Variants in CCBE1 observed in about 807,000 individuals in gnomAD.
CCBE1 encodes the protein collagen and calcium-binding EGF domain-containing protein 1.
A neutral mutation model predicts 50.0 loss-of-function variants in CCBE1; 37 were observed. The ratio of observed to expected loss-of-function variants is 0.74; its 90% CI spans 0.57 to 0.97. CCBE1 has a LOEUF of 0.97. Among genes scored for constraint, CCBE1 ranks in the 50% least tolerant of loss-of-function variants. The pLI is 0.00. For synonymous variants in CCBE1, 234 were observed against 203.7 expected, an observed-to-expected ratio of 1.15 and a Z score of -1.27; for missense variants, 538 against 523.8, an observed-to-expected ratio of 1.03 and a Z score of -0.26.
At chr18:59,676,405 G>A (rs1413425219) in intron 2 of CCBE1, among the ~76,000 whole-genome samples, 1 of 152,168 alleles carries the variant, frequency 6.6e-6, no homozygotes, top group Non-Finnish European at 1.5e-5. Flanking sequence ...CTCAATGCCA[G>A]CTCTATTTCA....
At chr18:59,584,505 AT>A (rs201912635) in intron 2 of CCBE1, among the ~76,000 whole-genome samples, 7,808 of 151,332 alleles carry the variant, frequency 0.052, 567 homozygotes, top group African/African-American at 0.16. Context: ...TATAATAATA[AT>A]AAAAAAAGAA....
chr18:59,588,338 G>C (rs1326402588), intron 2 of CCBE1, among the ~76,000 whole-genome samples: 1 of 152,106 alleles, frequency 6.6e-6, no homozygotes, highest in Non-Finnish European at 1.5e-5. Flanking sequence ...GAAATGCGAG[G>C]ATTGCTTGAG....
At chr18:59,566,238 T>C (rs955679497) in intron 2 of CCBE1, among the ~76,000 whole-genome samples, 19 of 152,192 alleles carry the variant, frequency 1.2e-4, no homozygotes, top group African/African-American at 4.3e-4. Context: ...ACAATGTCTC[T>C]TCCAGGGCCA....
At chr18:59,542,669 C>T (rs1915515445) in intron 2 of CCBE1, among the ~76,000 whole-genome samples, 1 of 152,190 alleles carries the variant, frequency 6.6e-6, no homozygotes, top group Non-Finnish European at 1.5e-5. Flanking sequence ...ACTAGTACCA[C>T]TGCTAAAATG....
chr18:59,644,675 G>A (rs2054031933), intron 2 of CCBE1, among the ~76,000 whole-genome samples: 1 of 152,176 alleles, frequency 6.6e-6, no homozygotes, highest in Non-Finnish European at 1.5e-5. Context: ...AATGTGTGGG[G>A]AAATGTCTGT....
In CCBE1 at chr18:59,432,149, T is replaced by C. The variant is rs1289366020; in HGVS notation, c.*3759A>G. 1 of 152,084 alleles carries C rather than the reference T, an allele frequency of 6.6e-6. No homozygotes were observed. The highest frequency in any genetic ancestry group is 2.4e-5 in the African/African-American group (1 of 41,416). The allele number at this position is 152,084 out of a possible 1,614,324, so 9.4% of individuals were successfully genotyped here. On this transcript the variant is annotated 3_prime_UTR_variant, in exon 11 of 11. Transcript: ENST00000439986. ...TTTTTTTTATTTATTTTAGTAGAGA[T>C]GGGGTTTCACCACGTGTTGGTCAGG...
intron 2 of CCBE1, among the ~76,000 whole-genome samples, chr18:59,563,177 A>G (rs920606635): frequency 3.9e-5 from 6 of 152,312 alleles, no homozygotes; most frequent in Middle Eastern, 3.4e-3. Context: ...CCAGGCATGG[A>G]CTGAGCGAGA....
At chr18:59,445,431 G>T (rs899517428) in intron 7 of CCBE1, among the ~76,000 whole-genome samples, 1 of 152,094 alleles carries the variant, frequency 6.6e-6, no homozygotes, top group Non-Finnish European at 1.5e-5. Context: ...TACTATACTT[G>T]TCTCATAATT....
At chr18:59,647,330 G>GA (rs1326057208) in intron 2 of CCBE1, among the ~76,000 whole-genome samples, 1 of 151,972 alleles carries the variant, frequency 6.6e-6, no homozygotes, top group African/African-American at 2.4e-5. Context: ...TATGTTATGT[G>GA]AAAAAAATAT....
At chr18:59,655,079 C>T (rs2054171846) in intron 2 of CCBE1, among the ~76,000 whole-genome samples, 1 of 96,512 alleles carries the variant, frequency 1.0e-5, no homozygotes, top group Non-Finnish European at 2.1e-5. Context: ...ACCACTGAGA[C>T]TATGTCAAAA....
At chr18:59,583,750 A>G (rs2053130463) in intron 2 of CCBE1, among the ~76,000 whole-genome samples, 1 of 152,060 alleles carries the variant, frequency 6.6e-6, no homozygotes, top group African/African-American at 2.4e-5. Flanking sequence ...ATCTTTCCAC[A>G]CAGAGAAGGG....
intron 2 of CCBE1, among the ~76,000 whole-genome samples, chr18:59,549,932 G>T (rs1007127783): frequency 6.6e-6 from 1 of 152,174 alleles, no homozygotes; most frequent in Non-Finnish European, 1.5e-5. Context: ...AGAGTAATTT[G>T]CCCAAGGATA....
chr18:59,481,359 T>TG (rs1179890878), intron 2 of CCBE1, among the ~76,000 whole-genome samples: 1 of 152,086 alleles, frequency 6.6e-6, no homozygotes, highest in Non-Finnish European at 1.5e-5. Flanking sequence ...GTCTGGTACT[T>TG]GGAGTTGTAG....
rs148828794 is a variant in CCBE1 at position 59,556,626 on chromosome 18, C to A, written c.213-76388G>T. Reference sequence around the variant, plus strand: ...GTGACCGAATTTAATTAAAAGGGTGCTTTTCTGCTCAGAGAACCAGGTATT... The same window carrying A: ...GTGACCGAATTTAATTAAAAGGGTGATTTTCTGCTCAGAGAACCAGGTATT... On this transcript the variant is annotated intron_variant, in intron 2 of 10. Transcript: ENST00000439986. Among the ~76,000 whole-genome samples the A allele has an allele frequency of 2.6e-3, 390 of 152,214 alleles. 12 individuals are homozygous for A. The South Asian group carries it at 0.041, about 16-fold the overall frequency.
intron 5 of CCBE1, 148 bp from the exon 6 acceptor site, chr18:59,455,099 A>T (rs780983976): frequency 9.9e-5 from 70 of 709,292 alleles, no homozygotes; most frequent in Non-Finnish European, 1.5e-4. Flanking sequence ...TACAGCTCTC[A>T]GGTCCTGCCA....
chr18:59,441,012 T>C (rs143335260), intron 7 of CCBE1, among the ~76,000 whole-genome samples: 2 of 152,380 alleles, frequency 1.3e-5, no homozygotes, highest in Non-Finnish European at 2.9e-5. Flanking sequence ...GGAGGAATTA[T>C]TTGAAGACTG....
At chr18:59,632,917 T>G (rs1299919011) in intron 2 of CCBE1, among the ~76,000 whole-genome samples, 1 of 152,086 alleles carries the variant, frequency 6.6e-6, no homozygotes, top group Non-Finnish European at 1.5e-5. Flanking sequence ...CGAGGAACAA[T>G]CTTCTAAAGC....
intron 4 of CCBE1, among the ~76,000 whole-genome samples, chr18:59,468,983 G>A (rs991830150): frequency 1.3e-5 from 2 of 152,194 alleles, no homozygotes; most frequent in South Asian, 4.1e-4. Context: ...GGGATAGCCA[G>A]TTCATGAGGG....
At chr18:59,474,209 T>C (rs1384688707) in intron 3 of CCBE1, among the ~76,000 whole-genome samples, 1 of 152,238 alleles carries the variant, frequency 6.6e-6, no homozygotes, top group Non-Finnish European at 1.5e-5. Flanking sequence ...GAAATACATG[T>C]GTCTTTTTGG....
Sources: gnomAD v4.1 joint callset for allele counts (sites outside exome capture counted in the v4.1 genomes callset) on GRCh38, gnomAD v4.1.1 for gene constraint, MANE v1.5 for transcripts, NCBI Gene and HGNC (gene_info 2026-07-23, HGNC 2026-07-21) for gene names.